CD226: variants seen among roughly 807,000 people sequenced by gnomAD.
CD226 encodes CD226 molecule.
Under a neutral mutation model 34.9 loss-of-function variants are expected in CD226, and 24 were observed. The observed-to-expected ratio is 0.69, with a 90% CI of 0.50 to 0.97. The LOEUF (loss-of-function observed/expected upper bound fraction) is 0.97, where lower values mean the gene tolerates loss of function less well. CD226 is among the 50% of genes least tolerant of loss of function. The pLI is 0.00. For synonymous variants in CD226, 148 were observed against 147.4 expected (o/e 1.00, Z -0.03); for missense variants, 397 against 412.7 (o/e 0.96, Z 0.33).
chr18:69,863,646 G>C lies in CD226; in HGVS notation c.*668C>G, dbSNP rs984253903. On this transcript the variant is annotated 3_prime_UTR_variant, in exon 6 of 6. Coordinates refer to ENST00000582621, the MANE Select transcript of CD226 (RefSeq NM_001303618.2). ...AAAAATGTCTTGGTTAATCACTGCAGTCAATATTTGTTGGTAAACTCTCCA... is the reference window on the plus strand; with the variant it reads ...AAAAATGTCTTGGTTAATCACTGCACTCAATATTTGTTGGTAAACTCTCCA... 3 of 152,132 alleles carry C rather than the reference G, an allele frequency of 2.0e-5. No homozygotes were observed. The highest frequency in any genetic ancestry group is 4.4e-5 in the Non-Finnish European group (3 of 68,050). The allele number at this position is 152,132 out of a possible 1,614,324, so 9.4% of individuals were successfully genotyped here.
chr18:69,872,540 T>A (rs563778052), intron 4 of CD226, among the ~76,000 whole-genome samples: 1 of 152,254 alleles, frequency 6.6e-6, no homozygotes, highest in South Asian at 2.1e-4. Context: ...CACATATCAC[T>A]GTGACCAGCC....
rs535867065 is a variant in CD226 at position 69,873,702 on chromosome 18, T to G, written c.728-456A>C. Among the ~76,000 whole-genome samples, 51 of 152,236 alleles carry G rather than the reference T, an allele frequency of 3.4e-4. 1 individual carries two copies. In the South Asian group the frequency reaches 7.1e-3, roughly 21 times the overall value. Reference sequence around the variant, plus strand: ...ATGGGCAACATGGTGAAACCCCGTCTCTACTAAAAACACAAAAAGTGATCC... The same window carrying G: ...ATGGGCAACATGGTGAAACCCCGTCGCTACTAAAAACACAAAAAGTGATCC... On this transcript the variant is annotated intron_variant, in intron 3 of 5. Coordinates refer to ENST00000582621, the MANE Select transcript of CD226 (RefSeq NM_001303618.2).
rs188297034 is a variant in CD226 at position 69,861,461 on chromosome 18, G to C, written c.*2853C>G. ...TATAACAAAGTAATTTCCTTTCATT[G>C]GTTACTTTAACATAAATATTAATGG... On this transcript the variant is annotated 3_prime_UTR_variant, in exon 6 of 6. Transcript: ENST00000582621. 1.4e-5 allele frequency: 2 copies of C among 148,030 alleles called. No individual in the cohort carries two copies. Among genetic ancestry groups the C allele is most frequent in the East Asian group, 2.0e-4 (1 of 5,046 alleles). 9.2% of individuals were successfully genotyped at this position (148,030 alleles called of 1,614,324 possible).
At chr18:69,870,267 T>TCC (rs1177394302) in intron 4 of CD226, among the ~76,000 whole-genome samples, 2 of 139,692 alleles carry the variant, frequency 1.4e-5, no homozygotes, top group African/African-American at 5.4e-5. Flanking sequence ...ACAGTTTGGC[T>TCC]CCCCCTTTTT....
In CD226 at chr18:69,928,321, A is replaced by G. The variant is rs546565544; in HGVS notation, c.382+18413T>C. On this transcript the variant is annotated intron_variant, in intron 2 of 5. Transcript: ENST00000582621. ...CAACTCTTTTGCTGTTTTATTGAGC[A>G]TGTCTCCTAAGGGCAAAGCTCTGTT... Among the ~76,000 whole-genome samples the G allele has an allele frequency of 2.6e-5, 4 of 152,288 alleles. No individual in the cohort carries two copies. The East Asian group carries it at 5.8e-4, about 22-fold the overall frequency.
At chr18:69,909,135 C>G (rs2055292906) in intron 2 of CD226, among the ~76,000 whole-genome samples, 1 of 152,186 alleles carries the variant, frequency 6.6e-6, no homozygotes, top group Admixed American at 6.5e-5. Flanking sequence ...AAGAAACTAT[C>G]CACTCCTTAA....
chr18:69,911,028 A>G (rs17062736), intron 2 of CD226, among the ~76,000 whole-genome samples: 4,338 of 152,316 alleles, frequency 0.028, 229 homozygotes, highest in African/African-American at 0.099. Context: ...AACCGAGGCC[A>G]TAAATAGCAA....
intron 3 of CD226, among the ~76,000 whole-genome samples, chr18:69,876,670 G>C (rs1388508930): frequency 6.6e-6 from 1 of 152,090 alleles, no homozygotes; most frequent in Non-Finnish European, 1.5e-5. Flanking sequence ...GACCAAAGGT[G>C]TGGGTGGTTT....
chr18:69,923,911 G>A lies in CD226; in HGVS notation c.382+22823C>T, dbSNP rs553432057. Among the ~76,000 whole-genome samples the A allele has an allele frequency of 1.1e-4, 17 of 148,736 alleles. No individual in the cohort carries two copies. In the East Asian group the frequency reaches 2.4e-3, roughly 21 times the overall value. On this transcript the variant is annotated intron_variant, in intron 2 of 5. Transcript: ENST00000582621. Reference sequence around the variant, plus strand: ...GGAGCTTGCAGTGAGCCGAGATCGCGCCACTGCACTCCAGCCTGGGCGACA... The same window carrying A: ...GGAGCTTGCAGTGAGCCGAGATCGCACCACTGCACTCCAGCCTGGGCGACA...
At chr18:69,947,131 T>C in intron 1 of CD226, 62 bp from the exon 2 acceptor site, 1 of 1,411,854 alleles carries the variant, frequency 7.1e-7, no homozygotes, top group Non-Finnish European at 9.9e-7. Flanking sequence ...AATCAATATC[T>C]TAAGCTTTTG....
intron 3 of CD226, among the ~76,000 whole-genome samples, chr18:69,893,421 C>G (rs780652123): frequency 6.8e-4 from 103 of 152,150 alleles, no homozygotes; most frequent in Non-Finnish European, 1.2e-3. Context: ...AACCATATCT[C>G]CTAAAAATCT....
Position 69,857,013 on chromosome 18 carries a change from A to G in CD226, c.*7301T>C, listed in dbSNP as rs984174575. On this transcript the variant is annotated 3_prime_UTR_variant, in exon 6 of 6. Transcript: ENST00000582621. ...GAAACCCCGTCTCTACTAAAAATAC[A>G]AAAAAATTAGCTGGGCATGGTGGTG... The G allele has an allele frequency of 2.6e-5, 4 of 152,018 alleles. No individual in the cohort carries two copies. Among genetic ancestry groups the G allele is most frequent in the African/African-American group, 7.2e-5 (3 of 41,390 alleles). The allele number at this position is 152,018 out of a possible 1,614,324, so 9.4% of individuals were successfully genotyped here. A position where few individuals can be genotyped will look rare whatever the true frequency, so the allele number is the denominator to read the frequency against.
intron 2 of CD226, among the ~76,000 whole-genome samples, chr18:69,924,223 C>T (rs971247304): frequency 4.6e-5 from 7 of 152,024 alleles, no homozygotes; most frequent in Non-Finnish European, 1.0e-4. Context: ...CCATTATCTG[C>T]ATCGTATCTT....
chr18:69,918,488 G>A lies in CD226; in HGVS notation c.383-22443C>T, dbSNP rs144843669. On this transcript the variant is annotated intron_variant, in intron 2 of 5. Coordinates refer to ENST00000582621, the MANE Select transcript of CD226 (RefSeq NM_001303618.2). ...CAGAAGAATCACTTGAACTTGGCAG[G>A]TGGAGGTTGCGGTGAGCCGAGATTG... 2.0e-4 allele frequency among the ~76,000 whole-genome samples: 30 copies of A among 152,322 alleles called. 1 individual carries two copies. In the East Asian group the frequency reaches 5.8e-3, roughly 29 times the overall value.
chr18:69,891,066 GA>G (rs1030341283), intron 3 of CD226, among the ~76,000 whole-genome samples: 1 of 142,676 alleles, frequency 7.0e-6, no homozygotes. Context: ...GAACACAGAT[GA>G]AAAAATCCTC....
intron 2 of CD226, among the ~76,000 whole-genome samples, chr18:69,905,842 A>G (rs1308165206): frequency 1.3e-5 from 2 of 152,354 alleles, no homozygotes; most frequent in East Asian, 3.9e-4. Flanking sequence ...CCAAAGAGAC[A>G]GAGCTGTGAG....
chr18:69,905,515 C>T (rs566284190), intron 2 of CD226, among the ~76,000 whole-genome samples: 11 of 152,142 alleles, frequency 7.2e-5, no homozygotes, highest in African/African-American at 2.4e-4. Context: ...GTGAGTGCAC[C>T]GCGGGGCAGA....
chr18:69,874,725 C>A (rs1285436476), intron 3 of CD226, among the ~76,000 whole-genome samples: 1 of 152,164 alleles, frequency 6.6e-6, no homozygotes, highest in Non-Finnish European at 1.5e-5. Context: ...CCCACTTATT[C>A]TTTCACAAAC....
At chr18:69,898,079 A>C (rs932755430) in intron 2 of CD226, among the ~76,000 whole-genome samples, 1 of 152,234 alleles carries the variant, frequency 6.6e-6, no homozygotes, top group African/African-American at 2.4e-5. Flanking sequence ...AGCTTAAAAG[A>C]AACAAAAGGA....
Sources: gnomAD v4.1 joint callset for allele counts (sites outside exome capture counted in the v4.1 genomes callset) on GRCh38, gnomAD v4.1.1 for gene constraint, MANE v1.5 for transcripts, NCBI Gene and HGNC (gene_info 2026-07-23, HGNC 2026-07-21) for gene names.